ATP6V1C2: variants seen among roughly 807,000 people sequenced by gnomAD.
ATP6V1C2 encodes V-type proton ATPase subunit C 2.
In ATP6V1C2, 45 loss-of-function variants were observed where a neutral mutation model predicts 56.8. The ratio of observed to expected loss-of-function variants is 0.79; its 90% CI spans 0.62 to 1.02. The LOEUF (loss-of-function observed/expected upper bound fraction) is 1.02. ATP6V1C2 is among the 50% of genes least tolerant of loss of function. The probability of loss-of-function intolerance (pLI) is 0.00; values close to 1 mark genes in which losing one functional copy is unlikely to be tolerated. For synonymous variants in ATP6V1C2, 220 were observed against 201.3 expected, an observed-to-expected ratio of 1.09 and a Z score of -0.79; for missense variants, 463 against 519.7, an observed-to-expected ratio of 0.89 and a Z score of 1.06.
At chr2:10,775,918 C>CT (rs1409112335) in intron 10 of ATP6V1C2, among the ~76,000 whole-genome samples, 1 of 152,078 alleles carries the variant, frequency 6.6e-6, no homozygotes, top group Non-Finnish European at 1.5e-5. Flanking sequence ...TTCTTGAGGC[C>CT]TTTGGGGGAA....
intron 3 of ATP6V1C2, among the ~76,000 whole-genome samples, chr2:10,730,329 TG>T (rs1321886185): frequency 2.6e-5 from 4 of 152,140 alleles, no homozygotes; most frequent in Non-Finnish European, 5.9e-5. Flanking sequence ...TTGGGCAGGC[TG>T]GTCTCGAACT....
At chr2:10,782,118 T>C (rs1665398737) in intron 12 of ATP6V1C2, 125 bp from the exon 13 acceptor site, 3 of 1,199,748 alleles carry the variant, frequency 2.5e-6, no homozygotes, top group Non-Finnish European at 3.5e-6. Flanking sequence ...TTGCTCGAGT[T>C]TGACTTTATG....
At chr2:10,754,722 G>A (rs1466808799) in intron 4 of ATP6V1C2, among the ~76,000 whole-genome samples, 2 of 151,988 alleles carry the variant, frequency 1.3e-5, no homozygotes, top group Non-Finnish European at 1.5e-5. Context: ...ACAGGCGCCC[G>A]CCACCACACC....
intron 3 of ATP6V1C2, among the ~76,000 whole-genome samples, chr2:10,748,558 A>G (rs946282962): frequency 1.4e-4 from 21 of 152,068 alleles, no homozygotes; most frequent in African/African-American, 5.1e-4. Flanking sequence ...AGGTCTTTAT[A>G]TATTGTTTAC....
At position 10,784,445 on chromosome 2, in the gene ATP6V1C2, C is replaced by A; in HGVS notation, c.*1182C>A. Reference sequence around the variant, plus strand: ...TACTCCTGCTACAATCCAGGTTCTCCTCAGTCTGACTCCTACCCTGACCTT... The same window carrying A: ...TACTCCTGCTACAATCCAGGTTCTCATCAGTCTGACTCCTACCCTGACCTT... On this transcript the variant is annotated 3_prime_UTR_variant, in exon 14 of 14. Coordinates refer to ENST00000272238, the MANE Select transcript of ATP6V1C2 (RefSeq NM_001039362.2). 1 of 703,196 alleles carries A rather than the reference C, an allele frequency of 1.4e-6. No individual in the cohort carries two copies. Among genetic ancestry groups the A allele is most frequent in the East Asian group, 2.7e-5 (1 of 36,578 alleles). The allele number at this position is 703,196 out of a possible 1,614,324, so 43.6% of individuals were successfully genotyped here.
At chr2:10,733,867 C>T (rs1367466650) in intron 3 of ATP6V1C2, among the ~76,000 whole-genome samples, 2 of 152,162 alleles carry the variant, frequency 1.3e-5, no homozygotes, top group African/African-American at 2.4e-5. Context: ...TATGGAATAG[C>T]TGCTGGCTTC....
chr2:10,723,106 C>A, intron 2 of ATP6V1C2, 128 bp downstream of exon 2: 1 of 1,211,312 alleles, frequency 8.3e-7, no homozygotes, highest in Non-Finnish European at 1.1e-6. Context: ...TGAGGACAAG[C>A]TGAGGTTTGA....
At chr2:10,751,033 G>A (rs1398170962) in intron 3 of ATP6V1C2, among the ~76,000 whole-genome samples, 1 of 152,160 alleles carries the variant, frequency 6.6e-6, no homozygotes, top group Non-Finnish European at 1.5e-5. Context: ...TGGAGTCAGG[G>A]TCCCAACAGA....
At position 10,778,580 on chromosome 2, in the gene ATP6V1C2, G is replaced by C; in HGVS notation, c.972G>C (p.Leu324=). ...RESEGEGEGP[L]LRWLKVNFSE... ...CTCTTCTGTCTTTGCAGGGCCCCCT[G>C]CTGCGCTGGCTCAAGGTGAACTTCA... Residue 324 remains leucine (L), a synonymous_variant, in exon 12 of 14, where the codon CTG becomes CTC. Coordinates refer to ENST00000272238, the MANE Select transcript of ATP6V1C2 (RefSeq NM_001039362.2). The C allele has an allele frequency of 6.2e-7, 1 of 1,614,188 alleles. No homozygotes were observed.
chr2:10,752,277 C>T (rs1229154849), intron 3 of ATP6V1C2, among the ~76,000 whole-genome samples: 2 of 152,194 alleles, frequency 1.3e-5, no homozygotes, highest in Admixed American at 6.5e-5. Flanking sequence ...CTACCTCTGC[C>T]TCCTTCCTTT....
At chr2:10,771,737 T>C in intron 6 of ATP6V1C2, 102 bp from the exon 7 acceptor site, 1 of 855,580 alleles carries the variant, frequency 1.2e-6, no homozygotes, top group East Asian at 2.4e-5. Flanking sequence ...CACCCACCCT[T>C]CCTTGAGAAC....
At position 10,736,075 on chromosome 2, in the gene ATP6V1C2, A is replaced by T. The variant is rs568869586; in HGVS notation, c.197+9506A>T. The stretch of plus-strand genomic sequence containing the variant: ...TTGAGTATGCATCAGAATCATCCTG[A>T]AGGTTTGTTAAAAATACATCACTGG... On this transcript the variant is annotated intron_variant, in intron 3 of 13. Coordinates refer to ENST00000272238, the MANE Select transcript of ATP6V1C2 (RefSeq NM_001039362.2). 2.0e-5 allele frequency among the ~76,000 whole-genome samples: 3 copies of T among 152,234 alleles called. No homozygotes were observed. In the East Asian group the frequency reaches 5.8e-4, roughly 29 times the overall value.
At chr2:10,740,953 C>T (rs12993145) in intron 3 of ATP6V1C2, among the ~76,000 whole-genome samples, 1 of 152,222 alleles carries the variant, frequency 6.6e-6, no homozygotes, top group African/African-American at 2.4e-5. Context: ...TCCCAAAGTG[C>T]TGGGATTACA....
intron 12 of ATP6V1C2, among the ~76,000 whole-genome samples, chr2:10,779,301 T>C (rs1161256442): frequency 6.7e-6 from 1 of 148,204 alleles, no homozygotes; most frequent in Non-Finnish European, 1.5e-5. Context: ...GAGGCGGGGT[T>C]TCACCATGTT....
intron 2 of ATP6V1C2, among the ~76,000 whole-genome samples, chr2:10,723,422 A>G (rs1331369045): frequency 6.6e-6 from 1 of 152,126 alleles, no homozygotes; most frequent in Non-Finnish European, 1.5e-5. Flanking sequence ...GAGGAAATCT[A>G]GGATCCCTTT....
intron 7 of ATP6V1C2, among the ~76,000 whole-genome samples, 174 bp downstream of exon 7, chr2:10,772,111 G>C (rs762550325): frequency 1.8e-4 from 27 of 152,190 alleles, no homozygotes; most frequent in Non-Finnish European, 2.9e-4. Context: ...ACAGTGGTTG[G>C]GTGATGGTGG....
chr2:10,768,536 G>A (rs12468989), intron 5 of ATP6V1C2, among the ~76,000 whole-genome samples, 183 bp from the exon 6 acceptor site: 30,316 of 152,208 alleles, frequency 0.2, 3,271 homozygotes, highest in African/African-American at 0.26. Context: ...ATGGCTTGGC[G>A]CCTGGGTGCC....
At chr2:10,762,563 G>A (rs915142699) in intron 4 of ATP6V1C2, among the ~76,000 whole-genome samples, 17 of 152,180 alleles carry the variant, frequency 1.1e-4, no homozygotes, top group African/African-American at 2.2e-4. Context: ...CCTTTCCTTC[G>A]TCTCACGTGC....
At chr2:10,774,925 T>C in intron 9 of ATP6V1C2, 45 bp downstream of exon 9, 1 of 1,611,374 alleles carries the variant, frequency 6.2e-7, no homozygotes, top group Non-Finnish European at 8.5e-7. Context: ...GCGGGGGGTC[T>C]CTGCCCCTCT....
Sources: gnomAD v4.1 joint callset for allele counts (sites outside exome capture counted in the v4.1 genomes callset) on GRCh38, gnomAD v4.1.1 for gene constraint, MANE v1.5 for transcripts, NCBI Gene and HGNC (gene_info 2026-07-23, HGNC 2026-07-21) for gene names.